Variants in RIMS1 observed in about 807,000 individuals in gnomAD.
RIMS1 encodes the protein regulating synaptic membrane exocytosis protein 1.
RIMS1 carries 83 observed loss-of-function variants against 214.1 expected under a neutral mutation model. The observed-to-expected ratio is 0.39, with a 90% CI of 0.32 to 0.47. The LOEUF (loss-of-function observed/expected upper bound fraction) is 0.47. Ranked by LOEUF, RIMS1 falls within the 20% of genes least tolerant of loss-of-function variation. The pLI, the probability that RIMS1 is intolerant of heterozygous loss-of-function variation, is 0.99. For missense variants in RIMS1, 2,050 were observed against 2,161.8 expected (o/e 0.95, Z 1.03); for synonymous variants, 793 against 786.8 (o/e 1.01, Z -0.13).
chr6:72,277,272 G>T (rs2086946657), intron 23 of RIMS1, among the ~76,000 whole-genome samples: 1 of 152,026 alleles, frequency 6.6e-6, no homozygotes, highest in African/African-American at 2.4e-5. Context: ...TAACATGAAG[G>T]TACTTTTATC....
chr6:72,049,161 G>T (rs1823900758), intron 2 of RIMS1, among the ~76,000 whole-genome samples: 1 of 152,158 alleles, frequency 6.6e-6, no homozygotes, highest in African/African-American at 2.4e-5. Context: ...AAAATAAGAG[G>T]TTGAAGAAAC....
intron 4 of RIMS1, among the ~76,000 whole-genome samples, chr6:72,135,781 C>A (rs1340416241): frequency 1.3e-5 from 2 of 152,072 alleles, no homozygotes; most frequent in Admixed American, 6.6e-5. Flanking sequence ...GTGGTCACTG[C>A]CATTCTGCAC....
intron 1 of RIMS1, among the ~76,000 whole-genome samples, chr6:71,921,471 A>AT (rs1164669933): frequency 1.3e-5 from 2 of 152,128 alleles, no homozygotes; most frequent in Non-Finnish European, 2.9e-5. Context: ...CCAAACTCCC[A>AT]TTTTCCAATG....
chr6:71,964,333 T>C (rs559995903), intron 1 of RIMS1, among the ~76,000 whole-genome samples: 67 of 152,194 alleles, frequency 4.4e-4, no homozygotes, highest in African/African-American at 1.6e-3. Context: ...TAGGGAACTA[T>C]TGGGTAGAGG....
At chr6:72,090,118 T>C (rs1835816367) in intron 2 of RIMS1, among the ~76,000 whole-genome samples, 1 of 151,856 alleles carries the variant, frequency 6.6e-6, no homozygotes, top group African/African-American at 2.4e-5. Flanking sequence ...CACGTATACA[T>C]ATGTAACTAA....
At chr6:72,099,627 T>C (rs1373174374) in intron 3 of RIMS1, among the ~76,000 whole-genome samples, 6 of 152,150 alleles carry the variant, frequency 3.9e-5, no homozygotes, top group Non-Finnish European at 8.8e-5. Flanking sequence ...TAAAATATTT[T>C]TCAATAATAG....
intron 2 of RIMS1, among the ~76,000 whole-genome samples, chr6:72,006,075 C>T (rs1472877005): frequency 6.6e-6 from 1 of 152,128 alleles, no homozygotes; most frequent in African/African-American, 2.4e-5. Context: ...TACCGATGGC[C>T]TTCTTGCTTT....
intron 4 of RIMS1, chr6:72,175,397 G>C: frequency 2.4e-6 from 1 of 420,554 alleles, no homozygotes; most frequent in Non-Finnish European, 4.8e-6. Flanking sequence ...TCTGAGTTGG[G>C]TGCAGTGGCT....
chr6:72,122,868 T>C (rs1370208350), intron 4 of RIMS1, among the ~76,000 whole-genome samples: 1 of 151,928 alleles, frequency 6.6e-6, no homozygotes, highest in Non-Finnish European at 1.5e-5. Context: ...CTTCTCTCTT[T>C]TCTTCTTTAT....
intron 29 of RIMS1, among the ~76,000 whole-genome samples, chr6:72,375,628 T>G (rs1043279422): frequency 2.0e-5 from 3 of 152,204 alleles, no homozygotes; most frequent in Admixed American, 6.5e-5. Context: ...TGAGTAGTTA[T>G]TGCTTTTCAC....
intron 1 of RIMS1, among the ~76,000 whole-genome samples, chr6:71,902,511 T>C (rs561404324): frequency 4.4e-4 from 67 of 152,120 alleles, no homozygotes; most frequent in Non-Finnish European, 8.7e-4. Flanking sequence ...AACAATTTCC[T>C]ATGTATGTGA....
At chr6:72,073,391 A>C in intron 2 of RIMS1, among the ~76,000 whole-genome samples, 2 of 152,338 alleles carry the variant, frequency 1.3e-5, no homozygotes, top group South Asian at 4.1e-4. Context: ...ACTGAGACTC[A>C]TTGCTAGCAG....
intron 4 of RIMS1, among the ~76,000 whole-genome samples, chr6:72,162,073 G>A (rs564678323): frequency 7.1e-6 from 1 of 140,804 alleles, no homozygotes; most frequent in South Asian, 2.3e-4. Context: ...GGGTGCTCCT[G>A]TATTGGGTGC....
At position 72,216,911 on chromosome 6, in the gene RIMS1, A is replaced by G. The variant is rs1429830963; in HGVS notation, c.1679-16862A>G. On this transcript the variant is annotated intron_variant, in intron 6 of 33. Coordinates refer to ENST00000521978, the MANE Select transcript of RIMS1 (RefSeq NM_014989.7). ...CCACTTTAGTACAGCACAGAGCACT[A>G]TAGATTAATGCTGTAATCAATGAGA... 16 of 1,241,818 alleles carry G rather than the reference A, an allele frequency of 1.3e-5. 1 individual carries two copies. The East Asian group carries it at 5.8e-4, about 45-fold the overall frequency. 76.9% of individuals were successfully genotyped at this position (1,241,818 alleles called of 1,614,324 possible).
intron 28 of RIMS1, among the ~76,000 whole-genome samples, chr6:72,329,012 A>G (rs1481959987): frequency 6.6e-6 from 1 of 151,762 alleles, no homozygotes; most frequent in Non-Finnish European, 1.5e-5. Context: ...CAAGAACTGG[A>G]ACCAGAAAGA....
Position 72,239,642 on chromosome 6 carries a change from G to C in RIMS1, c.1957+1720G>C, listed in dbSNP as rs145406049. ...TTTAATCTTGCAATATCTTTATCCA[G>C]TCCTGCCCCGCTTTAAGTCTGTGCA... On this transcript the variant is annotated intron_variant, in intron 9 of 33. Coordinates refer to ENST00000521978, the MANE Select transcript of RIMS1 (RefSeq NM_014989.7). 1.1e-3 allele frequency among the ~76,000 whole-genome samples: 163 copies of C among 152,212 alleles called. 3 individuals are homozygous for C. The East Asian group carries it at 0.029, about 27-fold the overall frequency.
chr6:72,362,630 A>G (rs776368573), intron 29 of RIMS1, among the ~76,000 whole-genome samples: 2 of 152,236 alleles, frequency 1.3e-5, no homozygotes, highest in African/African-American at 4.8e-5. Flanking sequence ...TATAGTAGAT[A>G]AAACAACTGC....
At chr6:72,223,763 C>A (rs561098321) in intron 6 of RIMS1, among the ~76,000 whole-genome samples, 4 of 151,786 alleles carry the variant, frequency 2.6e-5, no homozygotes. Flanking sequence ...CTGGCTAACA[C>A]GGTGAAACTC....
At chr6:72,389,860 C>A (rs1402431479) in intron 29 of RIMS1, among the ~76,000 whole-genome samples, 2 of 152,096 alleles carry the variant, frequency 1.3e-5, no homozygotes, top group Non-Finnish European at 2.9e-5. Flanking sequence ...CAAGAAAATT[C>A]CTCTGAGCTT....
Sources: gnomAD v4.1 joint callset for allele counts (sites outside exome capture counted in the v4.1 genomes callset) on GRCh38, gnomAD v4.1.1 for gene constraint, MANE v1.5 for transcripts, NCBI Gene and HGNC (gene_info 2026-07-23, HGNC 2026-07-21) for gene names.